EEPD1: variants seen among roughly 807,000 people sequenced by gnomAD.
The protein encoded by EEPD1 is endonuclease/exonuclease/phosphatase family domain-containing protein 1.
A neutral mutation model predicts 46.3 loss-of-function variants in EEPD1; 17 were observed. The observed-to-expected ratio is 0.37, with a 90% confidence interval of 0.25 to 0.55. The LOEUF (loss-of-function observed/expected upper bound fraction) is 0.55, where lower values mean the gene tolerates loss of function less well. Ranked by LOEUF, EEPD1 falls within the 20% of genes least tolerant of loss-of-function variation. The probability of loss-of-function intolerance (pLI) is 0.83; values close to 1 mark genes in which losing one functional copy is unlikely to be tolerated. For synonymous variants in EEPD1, 313 were observed against 315.6 expected (o/e 0.99, Z 0.09); for missense variants, 673 against 745.6 (o/e 0.90, Z 1.13).
chr7:36,206,003 G>A (rs904220841), intron 2 of EEPD1, among the ~76,000 whole-genome samples: 2 of 152,148 alleles, frequency 1.3e-5, no homozygotes, highest in African/African-American at 4.8e-5. Flanking sequence ...TTCACACACC[G>A]GCCCTGTGTG....
intron 2 of EEPD1, among the ~76,000 whole-genome samples, chr7:36,218,886 G>A (rs1029792969): frequency 1.3e-5 from 2 of 152,122 alleles, no homozygotes; most frequent in Non-Finnish European, 2.9e-5. Flanking sequence ...GGAGAATGGC[G>A]ATTTTGTCCA....
At chr7:36,270,411 A>G (rs1787084636) in intron 3 of EEPD1, among the ~76,000 whole-genome samples, 2 of 152,144 alleles carry the variant, frequency 1.3e-5, no homozygotes, top group Non-Finnish European at 2.9e-5. Context: ...TGAACCCATC[A>G]ATCCATCATC....
chr7:36,296,134 T>C (rs1205647418), intron 6 of EEPD1, among the ~76,000 whole-genome samples: 2 of 150,874 alleles, frequency 1.3e-5, no homozygotes, highest in Non-Finnish European at 2.9e-5. Context: ...AGGAAAATGG[T>C]ACATTATGTG....
intron 7 of EEPD1, among the ~76,000 whole-genome samples, chr7:36,298,067 CTT>C (rs1005400939): frequency 2.6e-5 from 4 of 152,330 alleles, no homozygotes; most frequent in South Asian, 2.1e-4. Flanking sequence ...TCCCCTCTCT[CTT>C]GGGGCACTAG....
At chr7:36,257,747 C>T (rs1583468928) in intron 3 of EEPD1, among the ~76,000 whole-genome samples, 1 of 152,232 alleles carries the variant, frequency 6.6e-6, no homozygotes, top group South Asian at 2.1e-4. Context: ...AGGTTCTTAG[C>T]TTCTTTGCAT....
At chr7:36,173,206 T>C (rs1216609110) in intron 2 of EEPD1, among the ~76,000 whole-genome samples, 2 of 151,216 alleles carry the variant, frequency 1.3e-5, no homozygotes, top group African/African-American at 4.9e-5. Context: ...TGAGTTCTGA[T>C]GAGATCTGAT....
At chr7:36,205,775 G>T (rs1241062757) in intron 2 of EEPD1, among the ~76,000 whole-genome samples, 1 of 152,188 alleles carries the variant, frequency 6.6e-6, no homozygotes, top group Non-Finnish European at 1.5e-5. Context: ...CATAAACCAG[G>T]TCTCTGGCTA....
At chr7:36,287,507 G>C (rs1787358950) in intron 5 of EEPD1, 132 bp from the exon 6 acceptor site, 3 of 1,353,036 alleles carry the variant, frequency 2.2e-6, no homozygotes. Flanking sequence ...ATTTCCTGGG[G>C]GTGTGAGCCA....
intron 2 of EEPD1, among the ~76,000 whole-genome samples, chr7:36,166,005 A>G (rs1467270364): frequency 6.6e-6 from 1 of 152,212 alleles, no homozygotes; most frequent in Non-Finnish European, 1.5e-5. Flanking sequence ...GTAAACGGAG[A>G]GGGATTCAGG....
chr7:36,285,684 G>A (rs991595789), intron 5 of EEPD1, among the ~76,000 whole-genome samples: 9 of 152,282 alleles, frequency 5.9e-5, no homozygotes, highest in East Asian at 1.9e-4. Flanking sequence ...CTCAGCAAGC[G>A]TATCCCCTCC....
intron 2 of EEPD1, among the ~76,000 whole-genome samples, chr7:36,222,365 A>G (rs1361666360): frequency 3.3e-5 from 5 of 152,234 alleles, no homozygotes; most frequent in Non-Finnish European, 7.4e-5. Context: ...TATCATCTCC[A>G]TGTTTTGAGT....
At chr7:36,211,174 A>G (rs1328044756) in intron 2 of EEPD1, among the ~76,000 whole-genome samples, 1 of 152,246 alleles carries the variant, frequency 6.6e-6, no homozygotes, top group Non-Finnish European at 1.5e-5. Context: ...CACTGGCAGT[A>G]TCTTCGGTGC....
intron 3 of EEPD1, among the ~76,000 whole-genome samples, chr7:36,244,767 ATTTTT>A (rs140539379): frequency 3.7e-5 from 4 of 108,404 alleles, no homozygotes; most frequent in Admixed American, 1.0e-4. Context: ...TTCAGAGTTG[ATTTTT>A]TTTTTTTTTT....
At chr7:36,224,088 C>T (rs1263922577) in intron 2 of EEPD1, among the ~76,000 whole-genome samples, 1 of 152,166 alleles carries the variant, frequency 6.6e-6, no homozygotes, top group Admixed American at 6.5e-5. Context: ...ATGGACTTTC[C>T]TGTGGAGCCT....
In EEPD1 at chr7:36,155,170, A is replaced by G. The variant is rs768204660; in HGVS notation, c.846A>G (p.Arg282=). 2 of 1,520,378 alleles carry G rather than the reference A, an allele frequency of 1.3e-6. No individual in the cohort carries two copies. The highest frequency in any genetic ancestry group is 1.8e-6 in the Non-Finnish European group (2 of 1,135,266). The allele number at this position is 1,520,378 out of a possible 1,614,324, so 94.2% of individuals were successfully genotyped here. The change falls in exon 2 of 8, where the codon CGA becomes CGG. Residue 282 remains arginine, a synonymous_variant. Coordinates refer to ENST00000242108, the MANE Select transcript of EEPD1 (RefSeq NM_030636.3). The part of the protein sequence containing the change: ...SVEKANNPGV[R]EVVCMTLLEN... ...AGAAGGCCAACAACCCCGGGGTGCGAGAGGTGGTGTGCATGACACTCCTGG... is the reference window on the plus strand; with the variant it reads ...AGAAGGCCAACAACCCCGGGGTGCGGGAGGTGGTGTGCATGACACTCCTGG...
At chr7:36,197,311 G>A (rs1412161503) in intron 2 of EEPD1, among the ~76,000 whole-genome samples, 5 of 149,078 alleles carry the variant, frequency 3.4e-5, no homozygotes, top group Admixed American at 6.6e-5. Flanking sequence ...CCCCCCGCCC[G>A]GCCAGCCGCC....
chr7:36,270,614 T>C (rs1467125665), intron 3 of EEPD1, among the ~76,000 whole-genome samples: 1 of 152,194 alleles, frequency 6.6e-6, no homozygotes. Flanking sequence ...GCTTCATCCA[T>C]GTCCCTGCAA....
chr7:36,287,349 C>CA (rs1787356800), intron 5 of EEPD1, among the ~76,000 whole-genome samples: 1 of 150,468 alleles, frequency 6.6e-6, no homozygotes, highest in South Asian at 2.1e-4. Flanking sequence ...GAAAAAAACT[C>CA]AAACATTTAC....
At chr7:36,247,753 C>T (rs984856247) in intron 3 of EEPD1, among the ~76,000 whole-genome samples, 3 of 152,214 alleles carry the variant, frequency 2.0e-5, no homozygotes, top group East Asian at 3.8e-4. Context: ...TCTGTGATCT[C>T]ATTTAATCTG....
Sources: allele counts gnomAD v4.1 joint callset (sites outside exome capture counted in the v4.1 genomes callset), GRCh38; gene constraint gnomAD v4.1.1; transcripts MANE v1.5; gene names NCBI Gene and HGNC (gene_info 2026-07-23, HGNC 2026-07-21).